CFAP20DC: variants seen among roughly 807,000 people sequenced by gnomAD.
CFAP20DC encodes CFAP20 domain containing.
In CFAP20DC, 84 loss-of-function variants were observed where a neutral mutation model predicts 101.7. The observed-to-expected ratio is 0.83, with a 90% CI of 0.69 to 0.99. The LOEUF (loss-of-function observed/expected upper bound fraction) is 0.99, where lower values mean the gene tolerates loss of function less well. CFAP20DC is among the 50% of genes least tolerant of loss of function. CFAP20DC has a pLI of 0.00. For synonymous variants in CFAP20DC, 359 were observed against 351.2 expected (o/e 1.02, Z -0.25); for missense variants, 1,007 against 970.3 (o/e 1.04, Z -0.50).
intron 4 of CFAP20DC, among the ~76,000 whole-genome samples, chr3:58,950,397 T>C (rs924552958): frequency 2.6e-5 from 4 of 152,112 alleles, no homozygotes; most frequent in African/African-American, 7.2e-5. Context: ...CTTCACAGAA[T>C]TGGAAAAAAC....
chr3:58,984,012 G>T (rs1419829814), intron 4 of CFAP20DC, among the ~76,000 whole-genome samples: 1 of 152,130 alleles, frequency 6.6e-6, no homozygotes, highest in Non-Finnish European at 1.5e-5. Context: ...GTTAAGTTGG[G>T]CTATTTCTGA....
intron 11 of CFAP20DC, among the ~76,000 whole-genome samples, chr3:58,865,087 CT>C (rs151128888): frequency 9.4e-4 from 127 of 134,826 alleles, no homozygotes; most frequent in Middle Eastern, 7.9e-3. Context: ...TCAATGTAGT[CT>C]TTTTTTTTTA....
chr3:58,904,016 C>G (rs1456105903), intron 6 of CFAP20DC, among the ~76,000 whole-genome samples: 1 of 152,134 alleles, frequency 6.6e-6, no homozygotes, highest in Non-Finnish European at 1.5e-5. Flanking sequence ...AATTTCAGAT[C>G]AACTTTTCCA....
At chr3:59,032,323 G>T (rs1056348697) in intron 4 of CFAP20DC, among the ~76,000 whole-genome samples, 2 of 151,778 alleles carry the variant, frequency 1.3e-5, no homozygotes, top group Admixed American at 1.3e-4. Flanking sequence ...ATATCCCAGT[G>T]GCACCTGGAA....
intron 14 of CFAP20DC, among the ~76,000 whole-genome samples, chr3:58,811,191 T>C (rs575753852): frequency 6.6e-6 from 1 of 152,166 alleles, no homozygotes; most frequent in Admixed American, 6.5e-5. Flanking sequence ...CTTCACAGAA[T>C]TGGAAAAAAC....
Position 58,859,826 on chromosome 3 carries a change from T to G in CFAP20DC, c.1593+3732A>C, listed in dbSNP as rs1324231907. Among the ~76,000 whole-genome samples, 1 of 152,148 alleles carries G rather than the reference T, an allele frequency of 6.6e-6. No individual in the cohort carries two copies. The highest frequency in any genetic ancestry group is 2.4e-5 in the African/African-American group (1 of 41,438). On this transcript the variant is annotated intron_variant, in intron 12 of 16. Transcript: ENST00000482387. The surrounding 1 kb of genome is among the most constrained non-coding windows in gnomAD (Gnocchi z 4.1). ...CTACATAGAAATATAAGAAGACTAC[T>G]GTCAACTAAATATTCCTTTCCACCG... is the stretch of plus-strand genomic sequence containing the variant.
At chr3:58,814,378 T>C (rs2107818593) in intron 14 of CFAP20DC, among the ~76,000 whole-genome samples, 1 of 151,814 alleles carries the variant, frequency 6.6e-6, no homozygotes, top group East Asian at 1.9e-4. Context: ...GAGCTATCTA[T>C]GACAAACCCA....
chr3:58,896,514 G>A (rs1193485106), intron 6 of CFAP20DC, among the ~76,000 whole-genome samples: 1 of 152,014 alleles, frequency 6.6e-6, no homozygotes, highest in Non-Finnish European at 1.5e-5. Context: ...TTTGATGTGG[G>A]CATTTAGTGT....
chr3:59,044,985 CAG>C (rs956757908), intron 3 of CFAP20DC, among the ~76,000 whole-genome samples: 6 of 145,574 alleles, frequency 4.1e-5, no homozygotes, highest in African/African-American at 1.6e-4. Flanking sequence ...CCTCCTATTA[CAG>C]ACACACACAC....
chr3:58,907,544 A>G lies in CFAP20DC; in HGVS notation c.550+6164T>C, dbSNP rs117459570. Among the ~76,000 whole-genome samples, 86 of 152,350 alleles carry G rather than the reference A, an allele frequency of 5.6e-4. 1 individual carries two copies. In the East Asian group the frequency reaches 0.014, roughly 25 times the overall value. ...TTGTATTTGATTGGATCTCTACAAT[A>G]ACCTTATAGCAATCAATGAGAAAGC... is the stretch of plus-strand genomic sequence containing the variant. On this transcript the variant is annotated intron_variant, in intron 6 of 16. Coordinates refer to ENST00000482387, the MANE Select transcript of CFAP20DC (RefSeq NM_001394063.1).
At chr3:58,720,195 G>A (rs1458890881) in intron 3 of CFAP20DC, among the ~76,000 whole-genome samples, 1 of 152,222 alleles carries the variant, frequency 6.6e-6, no homozygotes, top group Non-Finnish European at 1.5e-5. Flanking sequence ...GTACTGTGAG[G>A]ACAGGGCCTT....
intron 4 of CFAP20DC, among the ~76,000 whole-genome samples, chr3:58,961,260 A>C (rs1371807779): frequency 1.3e-5 from 2 of 152,182 alleles, no homozygotes; most frequent in East Asian, 3.8e-4. Context: ...ATAATGAATA[A>C]AACTGTGCCT....
intron 4 of CFAP20DC, among the ~76,000 whole-genome samples, chr3:59,005,698 T>C (rs1467851152): frequency 6.6e-6 from 1 of 152,230 alleles, no homozygotes; most frequent in African/African-American, 2.4e-5. Context: ...TCATTAGCTC[T>C]TATTGTCATA....
chr3:58,876,252 A>G (rs2080745535), intron 7 of CFAP20DC, among the ~76,000 whole-genome samples: 1 of 152,120 alleles, frequency 6.6e-6, no homozygotes. Context: ...AATTGTCACA[A>G]TTATCTCTAT....
chr3:58,925,493 C>G (rs1203402434), intron 5 of CFAP20DC, among the ~76,000 whole-genome samples: 1 of 152,130 alleles, frequency 6.6e-6, no homozygotes, highest in Admixed American at 6.6e-5. Context: ...CAGACCTTGG[C>G]CCACAGCAGG....
Position 58,957,325 on chromosome 3 carries a change from A to G in CFAP20DC, c.279-19563T>C, listed in dbSNP as rs559376773. On this transcript the variant is annotated intron_variant, in intron 4 of 16. Transcript: ENST00000482387. ...TGAGATACCTTCCCCCAGTTCAAAT[A>G]ATTTATATCCAAAAGATAGGCAATA... is the stretch of plus-strand genomic sequence containing the variant. Among the ~76,000 whole-genome samples the G allele has an allele frequency of 3.9e-5, 6 of 152,330 alleles. No individual in the cohort carries two copies. In the South Asian group the frequency reaches 1.2e-3, roughly 32 times the overall value.
chr3:59,016,128 G>C (rs1294701148), intron 4 of CFAP20DC, among the ~76,000 whole-genome samples: 1 of 152,056 alleles, frequency 6.6e-6, no homozygotes, highest in African/African-American at 2.4e-5. Flanking sequence ...ATCAACTTAA[G>C]TGTCCATCAA....
intron 14 of CFAP20DC, among the ~76,000 whole-genome samples, chr3:58,815,816 T>C (rs1575734789): frequency 1.3e-5 from 2 of 150,028 alleles, no homozygotes; most frequent in South Asian, 4.2e-4. Flanking sequence ...TGAGATACCA[T>C]CTCACACCAG....
At chr3:58,803,472 A>G (rs2073850770) in intron 15 of CFAP20DC, among the ~76,000 whole-genome samples, 1 of 152,226 alleles carries the variant, frequency 6.6e-6, no homozygotes, top group African/African-American at 2.4e-5. Context: ...GGTCTAAAGC[A>G]TTGGGATACT....
Sources: gnomAD v4.1 joint callset for allele counts (sites outside exome capture counted in the v4.1 genomes callset) on GRCh38, gnomAD v4.1.1 for gene constraint, Gnocchi (gnomAD v3.1) non-coding constraint, MANE v1.5 for transcripts, NCBI Gene and HGNC (gene_info 2026-07-23, HGNC 2026-07-21) for gene names.